EGFLAM: variants seen among roughly 807,000 people sequenced by gnomAD.
EGFLAM encodes the protein pikachurin.
In EGFLAM, 79 loss-of-function variants were observed where a neutral mutation model predicts 113.1. The observed-to-expected ratio is 0.70, with a 90% confidence interval of 0.58 to 0.84. The LOEUF (loss-of-function observed/expected upper bound fraction) is 0.84. Among genes scored for constraint, EGFLAM ranks in the 40% least tolerant of loss-of-function variants. The pLI is 0.00. For synonymous variants in EGFLAM, 504 were observed against 487.6 expected, an observed-to-expected ratio of 1.03 and a Z score of -0.44; for missense variants, 1,265 against 1,291.6, an observed-to-expected ratio of 0.98 and a Z score of 0.32.
intron 15 of EGFLAM, among the ~76,000 whole-genome samples, chr5:38,433,498 C>T (rs771597760): frequency 6.6e-6 from 1 of 152,192 alleles, no homozygotes; most frequent in Non-Finnish European, 1.5e-5. Flanking sequence ...TTCTCTCCTG[C>T]GGTCCCCCTT....
intron 1 of EGFLAM, among the ~76,000 whole-genome samples, chr5:38,266,461 T>G (rs1757638328): frequency 6.6e-6 from 1 of 152,200 alleles, no homozygotes; most frequent in Non-Finnish European, 1.5e-5. Context: ...GAAGGCAATA[T>G]TTAAGAAATT....
chr5:38,406,032 A>G, intron 6 of EGFLAM, 94 bp from the exon 7 acceptor site: 1 of 964,618 alleles, frequency 1.0e-6, no homozygotes. Flanking sequence ...ACTGCGTTCC[A>G]TTCGGTACAG....
intron 20 of EGFLAM, 134 bp downstream of exon 20, chr5:38,458,528 T>G: frequency 1.3e-6 from 1 of 779,142 alleles, no homozygotes; most frequent in African/African-American, 1.8e-5. Context: ...TCCAGGGCAT[T>G]CAGGGAATTT....
Position 38,431,276 on chromosome 5 carries a change from G to A in EGFLAM, c.2154G>A (p.Glu718=). ...ILQVDKQKIV[E]GMAEGGFTQI... ...AGGTGGATAAGCAGAAGATAGTGGAGGGAATGGCAGAGGTAAGAACAGTAC... is the reference window on the plus strand; with the variant it reads ...AGGTGGATAAGCAGAAGATAGTGGAAGGAATGGCAGAGGTAAGAACAGTAC... The change falls in exon 15 of 22, where the codon GAG becomes GAA. Residue 718 remains glutamate (E), a synonymous_variant. Transcript: ENST00000322350. 2 of 1,614,098 alleles carry A rather than the reference G, an allele frequency of 1.2e-6. No homozygotes were observed. Among genetic ancestry groups the A allele is most frequent in the Non-Finnish European group, 8.5e-7 (1 of 1,179,976 alleles).
chr5:38,279,081 A>G, intron 1 of EGFLAM, among the ~76,000 whole-genome samples: 1 of 152,204 alleles, frequency 6.6e-6, no homozygotes, highest in Non-Finnish European at 1.5e-5. Context: ...TCTCAAAAGA[A>G]GACATACAAA....
chr5:38,422,138 C>T (rs1258131704), intron 12 of EGFLAM, among the ~76,000 whole-genome samples: 1 of 152,082 alleles, frequency 6.6e-6, no homozygotes, highest in Non-Finnish European at 1.5e-5. Flanking sequence ...GAACTCCACC[C>T]CATGATGTTC....
At chr5:38,283,002 C>T (rs1216203245) in intron 1 of EGFLAM, among the ~76,000 whole-genome samples, 3 of 152,126 alleles carry the variant, frequency 2.0e-5, no homozygotes, top group African/African-American at 7.2e-5. Flanking sequence ...CAGGCATGTG[C>T]CACCACACCA....
At chr5:38,421,625 G>A (rs1455711828) in intron 12 of EGFLAM, among the ~76,000 whole-genome samples, 1 of 152,252 alleles carries the variant, frequency 6.6e-6, no homozygotes, top group East Asian at 1.9e-4. Flanking sequence ...GCCATGTGGA[G>A]AGACCAAATT....
chr5:38,397,538 C>T (rs1487792207), intron 6 of EGFLAM, among the ~76,000 whole-genome samples: 1 of 152,066 alleles, frequency 6.6e-6, no homozygotes, highest in Non-Finnish European at 1.5e-5. Context: ...AGCAATCTTC[C>T]CACCTCAACT....
intron 4 of EGFLAM, among the ~76,000 whole-genome samples, chr5:38,351,497 G>A (rs893162868): frequency 2.6e-5 from 4 of 152,320 alleles, no homozygotes; most frequent in African/African-American, 9.6e-5. Context: ...TTTCAGAAAA[G>A]TCCTACCTTT....
intron 1 of EGFLAM, among the ~76,000 whole-genome samples, chr5:38,283,407 A>G (rs1462040531): frequency 6.6e-6 from 1 of 152,206 alleles, no homozygotes; most frequent in Non-Finnish European, 1.5e-5. Flanking sequence ...ATAATGGGGA[A>G]GAATCCACGT....
intron 6 of EGFLAM, among the ~76,000 whole-genome samples, chr5:38,379,377 G>A (rs918601078): frequency 2.0e-5 from 3 of 151,880 alleles, no homozygotes; most frequent in South Asian, 2.1e-4. Flanking sequence ...GAGGAAGGAC[G>A]CAGAGAACAC....
At chr5:38,395,343 A>G (rs1740932325) in intron 6 of EGFLAM, among the ~76,000 whole-genome samples, 1 of 150,866 alleles carries the variant, frequency 6.6e-6, no homozygotes, top group Non-Finnish European at 1.5e-5. Context: ...TCCTGAGCTA[A>G]TGGGATTCTC....
intron 8 of EGFLAM, 66 bp downstream of exon 8, chr5:38,407,212 T>C (rs1440495265): frequency 1.9e-6 from 3 of 1,548,394 alleles, no homozygotes; most frequent in African/African-American, 1.4e-5. Flanking sequence ...GAGGGCAGTT[T>C]TGTGGTCCAA....
chr5:38,298,431 A>G (rs2111817427), intron 1 of EGFLAM, among the ~76,000 whole-genome samples: 1 of 152,218 alleles, frequency 6.6e-6, no homozygotes, highest in East Asian at 1.9e-4. Flanking sequence ...TCCCTCACTC[A>G]GTCCTATTGA....
intron 20 of EGFLAM, among the ~76,000 whole-genome samples, chr5:38,459,430 T>G (rs1743200572): frequency 6.6e-6 from 1 of 152,220 alleles, no homozygotes; most frequent in Non-Finnish European, 1.5e-5. Flanking sequence ...TTTGGATGAA[T>G]CATTCCTTTG....
rs1355093316 is a variant in EGFLAM, at chr5:38,407,049, T to C, written c.1050T>C (p.Thr350=). Reference sequence around the variant, plus strand: ...TCTTTGACATGCCTTGTGATGAAACTCTCTGCTCTGCTGACAGCTTCTGTG... The same window carrying C: ...TCTTTGACATGCCTTGTGATGAAACCCTCTGCTCTGCTGACAGCTTCTGTG... The part of the protein sequence containing the change: ...SRLFDMPCDE[T]LCSADSFCVN... Residue 350 remains threonine (T), a synonymous_variant, in exon 8 of 22, where the codon ACT becomes ACC. Transcript: ENST00000322350. The C allele has an allele frequency of 6.2e-7, 1 of 1,614,158 alleles. No individual in the cohort carries two copies. The highest frequency in any genetic ancestry group is 1.1e-5 in the South Asian group (1 of 91,088).
intron 4 of EGFLAM, among the ~76,000 whole-genome samples, chr5:38,351,525 A>G (rs543669029): frequency 6.6e-6 from 1 of 152,314 alleles, no homozygotes; most frequent in South Asian, 2.1e-4. Context: ...GTTACAAAAA[A>G]TGCATAGGAT....
chr5:38,351,342 C>T (rs941976447), intron 4 of EGFLAM, among the ~76,000 whole-genome samples: 1 of 152,062 alleles, frequency 6.6e-6, no homozygotes, highest in Non-Finnish European at 1.5e-5. Context: ...CTCCTGACCT[C>T]GTGATCCACC....
Sources: gnomAD v4.1 joint callset for allele counts (sites outside exome capture counted in the v4.1 genomes callset) on GRCh38, gnomAD v4.1.1 for gene constraint, MANE v1.5 for transcripts, NCBI Gene and HGNC (gene_info 2026-07-23, HGNC 2026-07-21) for gene names.